The following COL5A3 variants were observed in gnomAD, a reference collection of about 807,000 sequenced individuals.
COL5A3 encodes collagen alpha-3(V) chain.
Under a neutral mutation model 250.0 loss-of-function variants are expected in COL5A3, and 172 were observed. That is an observed-to-expected ratio of 0.69 (90% CI 0.61 to 0.78). The LOEUF (loss-of-function observed/expected upper bound fraction) is 0.78, where lower values mean the gene tolerates loss of function less well. Ranked by LOEUF, COL5A3 falls within the 30% of genes least tolerant of loss-of-function variation. The pLI is 0.00. For synonymous variants in COL5A3, 937 were observed against 900.4 expected, an observed-to-expected ratio of 1.04 and a Z score of -0.73; for missense variants, 2,340 against 2,334.4, an observed-to-expected ratio of 1.00 and a Z score of -0.05.
intron 31 of COL5A3, among the ~76,000 whole-genome samples, chr19:9,985,503 G>A (rs1159448090): frequency 4.0e-5 from 6 of 151,874 alleles, no homozygotes; most frequent in Non-Finnish European, 7.4e-5. Context: ...CAAGTGATCC[G>A]CCTGCGTCTG....
chr19:10,004,235 TC>T lies in COL5A3; in HGVS notation c.595-91del, dbSNP rs1329066990. On this transcript the variant is annotated intron_variant, in intron 4 of 66. Transcript: ENST00000264828. ...CTAACCCCCAGCAGTCCTGCCCACC[TC>T]CTGGCACCAGGGTGCAATGCTCCCC... 1.4e-4 allele frequency: 120 copies of T among 885,124 alleles called. No homozygotes were observed. The East Asian group carries it at 3.0e-3, about 22-fold the overall frequency. The allele number at this position is 885,124 out of a possible 1,614,324, so 54.8% of individuals were successfully genotyped here.
rs369493554 is a variant in COL5A3, at chr19:9,995,998, C to T, written c.1533+68G>A. On this transcript the variant is annotated intron_variant, in intron 15 of 66. Transcript: ENST00000264828. ...CCCCTTTGGCACTTTCCCCATCCAG[C>T]ACTGTATCTTGTGGTCCTGGGGGAA... 5.8e-5 allele frequency: 81 copies of T among 1,398,858 alleles called. 1 individual carries two copies. In the East Asian group the frequency reaches 1.4e-3, roughly 25 times the overall value. 86.7% of individuals were successfully genotyped at this position (1,398,858 alleles called of 1,614,324 possible).
rs1216127296 is a variant in COL5A3 at position 9,968,255 on chromosome 19, T to A, written c.4314+130A>T. 1.0e-6 allele frequency: 1 copy of A among 982,984 alleles called. No homozygotes were observed. Among genetic ancestry groups the A allele is most frequent in the Non-Finnish European group, 1.5e-6 (1 of 646,308 alleles). 60.9% of individuals were successfully genotyped at this position (982,984 alleles called of 1,614,324 possible). A position where few individuals can be genotyped will look rare whatever the true frequency, so the allele number is the denominator to read the frequency against. ...AGCCTCCAACTTGCCAGTTCCCAGA[T>A]ACATCCCCCTATTTTCCCCACACAC... On this transcript the variant is annotated intron_variant, in intron 59 of 66. Transcript: ENST00000264828. This position sits in a 1 kb window ranked among gnomAD's most constrained non-coding sequence, Gnocchi z 4.1.
Position 9,966,710 on chromosome 19 carries a change from G to GGCGCCT in COL5A3, c.4489_4494dup (p.Arg1499_Arg1500dup), listed in dbSNP as rs1188178418. ...GGAAGCGGGACTGGGACGAAGCGCC[G>GGCGCCT]GCGCCTGCGCAGCCCATGCAGCTCG... On this transcript the variant is annotated inframe_insertion, in exon 63 of 67. Coordinates refer to ENST00000264828, the MANE Select transcript of COL5A3 (RefSeq NM_015719.4). 6.5e-7 allele frequency: 1 copy of GGCGCCT among 1,537,550 alleles called. No homozygotes were observed. Among genetic ancestry groups the GGCGCCT allele is most frequent in the Non-Finnish European group, 8.7e-7 (1 of 1,147,366 alleles).
At chr19:9,975,745 C>T (rs1205858156) in intron 45 of COL5A3, among the ~76,000 whole-genome samples, 2 of 143,978 alleles carry the variant, frequency 1.4e-5, no homozygotes, top group African/African-American at 5.2e-5. Context: ...TGAGGGGGAA[C>T]ACATGGTTGG....
intron 51 of COL5A3, 152 bp downstream of exon 51, chr19:9,972,767 C>T (rs892279509): frequency 3.4e-5 from 17 of 501,044 alleles, no homozygotes; most frequent in Admixed American, 7.1e-5. Context: ...ACCCGGAAGA[C>T]GGAGGTTGCA....
chr19:9,967,286 C>A (rs936913321), intron 62 of COL5A3, 61 bp downstream of exon 62: 3 of 1,258,944 alleles, frequency 2.4e-6, no homozygotes, highest in Non-Finnish European at 1.0e-6. Context: ...GACACCCAGA[C>A]ATAGTCCTTG....
Position 9,967,336 on chromosome 19 carries a change from G to C in COL5A3, c.4458+11C>G, listed in dbSNP as rs566994973. 1.4e-6 allele frequency: 2 copies of C among 1,420,712 alleles called. No homozygotes were observed. The highest frequency in any genetic ancestry group is 3.0e-5 in the East Asian group (1 of 33,434). 88.0% of individuals were successfully genotyped at this position (1,420,712 alleles called of 1,614,324 possible). On this transcript the variant is annotated intron_variant, in intron 62 of 66. Coordinates refer to ENST00000264828, the MANE Select transcript of COL5A3 (RefSeq NM_015719.4). ...TTTGGTGTCCATTCCCCCGCCCCCC[G>C]GGGAACTCACCGGGGGGCCTGGTGG...
chr19:9,981,877 C>T (rs930432276), intron 32 of COL5A3, among the ~76,000 whole-genome samples, 188 bp downstream of exon 32: 8 of 152,220 alleles, frequency 5.3e-5, no homozygotes, highest in African/African-American at 1.9e-4. Context: ...TGCTTACAGT[C>T]ATATTCATGA....
chr19:9,986,221 C>G, intron 30 of COL5A3, 94 bp downstream of exon 30: 1 of 869,786 alleles, frequency 1.1e-6, no homozygotes, highest in Non-Finnish European at 1.8e-6. Flanking sequence ...TAGCAACCTC[C>G]TGAGGTCGAA....
Position 9,960,489 on chromosome 19 carries a change from C to A in COL5A3, c.5160G>T (p.Trp1720Cys), listed in dbSNP as rs751812549. 1 of 1,614,188 alleles carries A rather than the reference C, an allele frequency of 6.2e-7. No individual in the cohort carries two copies. Among genetic ancestry groups the A allele is most frequent in the Non-Finnish European group, 8.5e-7 (1 of 1,180,042 alleles). The change falls in exon 67 of 67, where the codon TGG becomes TGT. Residue 1720 changes from tryptophan to cysteine, a missense_variant. By Grantham distance (215) the Trp-to-Cys change is radical. This residue lies in a region of COL5A3 where 1,179 missense variants were observed against 1,162.6 expected (regional missense o/e 1.01). Transcript: ENST00000264828. ...GGCCAAAGTCAGTGGCCGCCACATCCCACAGGGGCAGAAATCCCGCTCGAG... is the reference window on the plus strand; with the variant it reads ...GGCCAAAGTCAGTGGCCGCCACATCACACAGGGGCAGAAATCCCGCTCGAG... ...SSSRAGFLPL[W>C]DVAATDFGQT...
rs1447679849 is a variant in COL5A3, at chr19:9,968,750, G to C, written c.4153-22C>G. The C allele has an allele frequency of 1.2e-6, 2 of 1,603,368 alleles. No homozygotes were observed. Among genetic ancestry groups the C allele is most frequent in the Non-Finnish European group, 1.7e-6 (2 of 1,175,376 alleles). Reference sequence around the variant, plus strand: ...GCCCCTGGGAGAAGAGCAAGGGTCAGTTAGGGATTCTCAAATGTGAACTCG... The same window carrying C: ...GCCCCTGGGAGAAGAGCAAGGGTCACTTAGGGATTCTCAAATGTGAACTCG... On this transcript the variant is annotated intron_variant, in intron 57 of 66. Transcript: ENST00000264828. The surrounding 1 kb of genome is among the most constrained non-coding windows in gnomAD (Gnocchi z 4.1).
rs2086791642 is a variant in COL5A3, at chr19:9,968,905, G to T, written c.4153-177C>A. 1 of 662,890 alleles carries T rather than the reference G, an allele frequency of 1.5e-6. No homozygotes were observed. The allele number at this position is 662,890 out of a possible 1,614,324, so 41.1% of individuals were successfully genotyped here. On this transcript the variant is annotated intron_variant, in intron 57 of 66. Transcript: ENST00000264828. The surrounding 1 kb of genome is among the most constrained non-coding windows in gnomAD (Gnocchi z 4.1). ...GGTGGGATGATGAGAGCTAATGAGG[G>T]GTTGACTGGAGGATGGACAACGTGA... is the stretch of plus-strand genomic sequence containing the variant.
At chr19:9,981,536 C>T (rs1338589988) in intron 32 of COL5A3, among the ~76,000 whole-genome samples, 1 of 152,196 alleles carries the variant, frequency 6.6e-6, no homozygotes, top group African/African-American at 2.4e-5. Flanking sequence ...GGCCTGGATT[C>T]AGCTGAGGAC....
chr19:9,974,281 C>A lies in COL5A3; in HGVS notation c.3450+20G>T. 1.2e-6 allele frequency: 2 copies of A among 1,609,982 alleles called. No homozygotes were observed. On this transcript the variant is annotated intron_variant, in intron 46 of 66. Transcript: ENST00000264828. ...AGGTAGGGAGAATCAGAAGTGCCAC[C>A]CCCAAACCCAGACACCCACCTGCAG...
Position 10,001,614 on chromosome 19 carries a change from G to A in COL5A3, c.1020C>T (p.Ala340=), listed in dbSNP as rs2087362093. ...TELGTLETKA[A]REDEEGDDST... ...AATCATCTCCTTCTTCATCCTCCCT[G>A]GCTGCCTTGGTCTCCAGGGTCCCCA... The change falls in exon 8 of 67, where the codon GCC becomes GCT. Residue 340 remains alanine (A), a synonymous_variant. Transcript: ENST00000264828. The A allele has an allele frequency of 1.2e-5, 19 of 1,613,928 alleles. No individual in the cohort carries two copies. Among genetic ancestry groups the A allele is most frequent in the Non-Finnish European group, 1.5e-5 (18 of 1,179,998 alleles).
chr19:9,969,891 C>T lies in COL5A3; in HGVS notation c.3968G>A (p.Arg1323Lys), dbSNP rs868752544. 6.2e-7 allele frequency: 1 copy of T among 1,613,726 alleles called. No homozygotes were observed. The highest frequency in any genetic ancestry group is 1.6e-4 in the Middle Eastern group (1 of 6,062). The change falls in exon 55 of 67, where the codon AGA (arginine) becomes AAA (lysine). Residue 1323 changes from arginine to lysine, a missense_variant. Around this residue, in one of 3 missense-constraint regions of COL5A3, gnomAD observed 1,179 missense variants for 1,162.6 expected, o/e 1.01. Coordinates refer to ENST00000264828, the MANE Select transcript of COL5A3 (RefSeq NM_015719.4). Reference sequence around the variant, plus strand: ...CACCTTGGCACCTTTCTCCCCTTCTCTGCCTTCTCGACCCATGTGGCCTGA... The same window carrying T: ...CACCTTGGCACCTTTCTCCCCTTCTTTGCCTTCTCGACCCATGTGGCCTGA... ...GPSGHMGREG[R>K]EGEKGAKGEP...
intron 5 of COL5A3, 60 bp downstream of exon 5, chr19:10,003,981 G>T: frequency 7.3e-7 from 1 of 1,363,804 alleles, no homozygotes; most frequent in East Asian, 2.3e-5. Context: ...CTAGGGATCT[G>T]GAGCCAGGAA....
intron 65 of COL5A3, among the ~76,000 whole-genome samples, chr19:9,962,449 C>T (rs918019873): frequency 4.6e-5 from 7 of 152,140 alleles, no homozygotes; most frequent in African/African-American, 7.2e-5. Flanking sequence ...CTTGACTGAG[C>T]CTTTGCATAT....
Sources: gnomAD v4.1 joint callset for allele counts (sites outside exome capture counted in the v4.1 genomes callset) on GRCh38, gnomAD v4.1.1 for gene constraint, gnomAD v4.1.1 regional missense constraint, Gnocchi (gnomAD v3.1) non-coding constraint, MANE v1.5 for transcripts, NCBI Gene and HGNC (gene_info 2026-07-23, HGNC 2026-07-21) for gene names.